Variants in ADGRB3 observed in about 807,000 individuals in gnomAD.
The protein encoded by ADGRB3 is adhesion G protein-coupled receptor B3, also known as brain-specific angiogenesis inhibitor 3.
ADGRB3 carries 37 observed loss-of-function variants against 193.4 expected under a neutral mutation model. That is an observed-to-expected ratio of 0.19 (90% confidence interval 0.15 to 0.25). ADGRB3 has a LOEUF of 0.25. Among genes scored for constraint, ADGRB3 ranks in the 10% least tolerant of loss-of-function variants. ADGRB3 has a pLI of 1.00. For synonymous variants in ADGRB3, 690 were observed against 644.2 expected (o/e 1.07, Z -1.08); for missense variants, 1,637 against 1,852.9 (o/e 0.88, Z 2.14).
chr6:69,389,054 G>A lies in ADGRB3; in HGVS notation c.*163G>A. Reference sequence around the variant, plus strand: ...CATATGGTAACTTCTCACTAGTCAGGCTAGTGGAGAGATGACCAGGTGTAC... The same window carrying A: ...CATATGGTAACTTCTCACTAGTCAGACTAGTGGAGAGATGACCAGGTGTAC... On this transcript the variant is annotated 3_prime_UTR_variant, in exon 32 of 32. Coordinates refer to ENST00000370598, the MANE Select transcript of ADGRB3 (RefSeq NM_001704.3). The A allele has an allele frequency of 6.1e-6, 4 of 653,236 alleles. No individual in the cohort carries two copies. Among genetic ancestry groups the A allele is most frequent in the Non-Finnish European group, 7.6e-6 (3 of 396,586 alleles). 40.5% of individuals were successfully genotyped at this position (653,236 alleles called of 1,614,324 possible).
intron 17 of ADGRB3, among the ~76,000 whole-genome samples, chr6:69,127,576 G>T (rs548141565): frequency 4.6e-5 from 7 of 152,124 alleles, no homozygotes; most frequent in Non-Finnish European, 8.8e-5. Context: ...CTAAAAATGA[G>T]GATAAAATAT....
At chr6:69,210,819 A>G (rs528338486) in intron 17 of ADGRB3, among the ~76,000 whole-genome samples, 1 of 152,276 alleles carries the variant, frequency 6.6e-6, no homozygotes, top group Admixed American at 6.5e-5. Flanking sequence ...CTAGTCAATG[A>G]AATATAAGCA....
rs575008197 is a variant in ADGRB3 at position 68,913,793 on chromosome 6, GA to G, written c.758-16758del. On this transcript the variant is annotated intron_variant, in intron 3 of 31. Coordinates refer to ENST00000370598, the MANE Select transcript of ADGRB3 (RefSeq NM_001704.3). ...CAAAGGCAAAGAAGTTAAAAACTTT[GA>G]AAAAAAATTAGGTGAATGTATAACT... Among the ~76,000 whole-genome samples the G allele has an allele frequency of 1.4e-4, 21 of 151,938 alleles. No homozygotes were observed. The East Asian group carries it at 4.1e-3, about 29-fold the overall frequency.
chr6:69,312,480 T>C (rs939217984), intron 20 of ADGRB3, among the ~76,000 whole-genome samples: 6 of 151,716 alleles, frequency 4.0e-5, no homozygotes, highest in Admixed American at 1.3e-4. Flanking sequence ...TTGGTACTTT[T>C]TTATAGAAGT....
intron 17 of ADGRB3, among the ~76,000 whole-genome samples, chr6:69,230,744 G>A (rs188578766): frequency 6.6e-6 from 1 of 152,270 alleles, no homozygotes; most frequent in East Asian, 1.9e-4. Context: ...AGAACTTGGT[G>A]GTTACCCACC....
At chr6:68,650,375 A>G (rs1339941820) in intron 3 of ADGRB3, among the ~76,000 whole-genome samples, 2 of 152,108 alleles carry the variant, frequency 1.3e-5, no homozygotes, top group African/African-American at 2.4e-5. Context: ...TAAAAATTGC[A>G]TAATACACAT....
At chr6:68,974,885 C>A (rs758901088) in intron 9 of ADGRB3, 21 bp downstream of exon 9, 26 of 1,586,166 alleles carry the variant, frequency 1.6e-5, no homozygotes, top group Non-Finnish European at 2.2e-5. Context: ...ATGACCCACC[C>A]AAACCCTAGT....
intron 3 of ADGRB3, among the ~76,000 whole-genome samples, chr6:68,861,430 C>G (rs769350000): frequency 6.6e-6 from 1 of 151,974 alleles, no homozygotes; most frequent in Admixed American, 6.6e-5. Flanking sequence ...GGCGTGGTGG[C>G]GGGCACCTGT....
chr6:68,897,379 GAAGAAGGAAAGA>G (rs1339280680), intron 3 of ADGRB3, among the ~76,000 whole-genome samples: 1 of 136,238 alleles, frequency 7.3e-6, no homozygotes, highest in Non-Finnish European at 1.6e-5. Context: ...AGAAGGAAAG[GAAGAAGGAAAGA>G]AAGAAAGAGA....
intron 17 of ADGRB3, among the ~76,000 whole-genome samples, chr6:69,192,028 G>A (rs753863906): frequency 1.6e-4 from 24 of 152,106 alleles, no homozygotes; most frequent in Non-Finnish European, 2.9e-4. Flanking sequence ...ATCTTTATCT[G>A]TGTGAATATC....
At position 69,259,554 on chromosome 6, in the gene ADGRB3, G is replaced by A. The variant is rs533666221; in HGVS notation, c.2814+20328G>A. Among the ~76,000 whole-genome samples the A allele has an allele frequency of 2.0e-5, 3 of 151,984 alleles. No homozygotes were observed. In the East Asian group the frequency reaches 5.8e-4, roughly 29 times the overall value. ...GCTAAAAAACGCAAAAAAATAGCCGGGCTTGGTGGCGGGCACCTGTAGTCC... is the reference window on the plus strand; with the variant it reads ...GCTAAAAAACGCAAAAAAATAGCCGAGCTTGGTGGCGGGCACCTGTAGTCC... On this transcript the variant is annotated intron_variant, in intron 20 of 31. Coordinates refer to ENST00000370598, the MANE Select transcript of ADGRB3 (RefSeq NM_001704.3).
At chr6:68,737,432 T>C (rs1765893432) in intron 3 of ADGRB3, among the ~76,000 whole-genome samples, 1 of 152,196 alleles carries the variant, frequency 6.6e-6, no homozygotes, top group South Asian at 2.1e-4. Flanking sequence ...CCATTTTGAA[T>C]ATAAGAACAT....
chr6:68,865,963 G>GT (rs1254282717), intron 3 of ADGRB3, among the ~76,000 whole-genome samples: 2 of 152,206 alleles, frequency 1.3e-5, no homozygotes, highest in East Asian at 3.9e-4. Context: ...CACTACCTCT[G>GT]TTTTTCACCC....
chr6:69,190,475 T>C (rs888491801), intron 17 of ADGRB3, among the ~76,000 whole-genome samples: 1 of 152,100 alleles, frequency 6.6e-6, no homozygotes, highest in African/African-American at 2.4e-5. Flanking sequence ...GTCTGTGTTT[T>C]AAGTTATGTC....
At chr6:69,005,071 CATG>C (rs1769706694) in intron 11 of ADGRB3, among the ~76,000 whole-genome samples, 1 of 152,088 alleles carries the variant, frequency 6.6e-6, no homozygotes, top group African/African-American at 2.4e-5. Context: ...CCTTTCTGAA[CATG>C]ATGATGATTT....
chr6:69,149,175 G>A (rs1774591597), intron 17 of ADGRB3, among the ~76,000 whole-genome samples: 1 of 151,880 alleles, frequency 6.6e-6, no homozygotes. Flanking sequence ...TCTTAAATTT[G>A]CTCTTTTGGG....
At chr6:68,760,435 GC>G (rs1766376281) in intron 3 of ADGRB3, among the ~76,000 whole-genome samples, 2 of 152,152 alleles carry the variant, frequency 1.3e-5, no homozygotes, top group Admixed American at 6.6e-5. Context: ...TCCACGTTAA[GC>G]CTTATGAAAG....
At chr6:68,814,829 A>C (rs146478370) in intron 3 of ADGRB3, among the ~76,000 whole-genome samples, 7,215 of 152,252 alleles carry the variant, frequency 0.047, 563 homozygotes, top group African/African-American at 0.16. Flanking sequence ...AGGCTGTTTC[A>C]ACATACGAAA....
At chr6:68,744,850 A>G (rs1009901740) in intron 3 of ADGRB3, among the ~76,000 whole-genome samples, 3 of 152,288 alleles carry the variant, frequency 2.0e-5, no homozygotes, top group Non-Finnish European at 4.4e-5. Context: ...ACAAAACTAC[A>G]CGTTCTGCAC....
Sources: gnomAD v4.1 joint callset for allele counts (sites outside exome capture counted in the v4.1 genomes callset) on GRCh38, gnomAD v4.1.1 for gene constraint, MANE v1.5 for transcripts, NCBI Gene and HGNC (gene_info 2026-07-23, HGNC 2026-07-21) for gene names.